Variants in SEMA3C observed in about 807,000 individuals in gnomAD.
The protein encoded by SEMA3C is semaphorin 3C.
In SEMA3C, 47 loss-of-function variants were observed where a neutral mutation model predicts 89.4. The observed-to-expected ratio is 0.53, with a 90% CI of 0.42 to 0.67. The LOEUF is 0.67. Among genes scored for constraint, SEMA3C ranks in the 30% least tolerant of loss-of-function variants. The pLI, the probability that SEMA3C is intolerant of heterozygous loss-of-function variation, is 0.00. For synonymous variants in SEMA3C, 310 were observed against 320.2 expected (o/e 0.97, Z 0.34); for missense variants, 839 against 929.1 (o/e 0.90, Z 1.26).
chr7:80,829,517 T>C lies in SEMA3C; in HGVS notation c.104-772A>G, dbSNP rs372546451. The stretch of plus-strand genomic sequence containing the variant: ...TTTGCCTTGCTTCCCAACGTAATTC[T>C]AATTAGTCCGACTTATTTTTCTATA... On this transcript the variant is annotated intron_variant, in intron 2 of 17. Coordinates refer to ENST00000265361, the MANE Select transcript of SEMA3C (RefSeq NM_006379.5). 1.5e-3 allele frequency among the ~76,000 whole-genome samples: 232 copies of C among 152,328 alleles called. 1 individual carries two copies. Among genetic ancestry groups the C allele is most frequent in the African/African-American group, 5.2e-3 (218 of 41,578 alleles).
At chr7:80,827,403 T>TTTG in intron 4 of SEMA3C, 22 bp downstream of exon 4, 1 of 1,491,332 alleles carries the variant, frequency 6.7e-7, no homozygotes, top group Non-Finnish European at 8.9e-7. Flanking sequence ...TTTTTTTTTT[T>TTTG]TTTTTTTTTT....
At chr7:80,797,781 C>T (rs929734232) in intron 11 of SEMA3C, among the ~76,000 whole-genome samples, 7 of 152,122 alleles carry the variant, frequency 4.6e-5, no homozygotes, top group African/African-American at 1.2e-4. Flanking sequence ...GGGCGGATCA[C>T]GAGGTCAGGA....
chr7:80,774,405 G>C (rs1240805158), intron 12 of SEMA3C, among the ~76,000 whole-genome samples: 2 of 151,998 alleles, frequency 1.3e-5, no homozygotes, highest in Non-Finnish European at 2.9e-5. Context: ...CATTAAAGCA[G>C]TTATTATAAT....
At chr7:80,800,951 A>C (rs575793737) in intron 9 of SEMA3C, 125 bp from the exon 10 acceptor site, 70 of 482,000 alleles carry the variant, frequency 1.5e-4, no homozygotes, top group Non-Finnish European at 2.4e-4. Context: ...CTGTACCATT[A>C]TGGTAATTTG....
chr7:80,877,082 G>C (rs1277278050), intron 2 of SEMA3C, among the ~76,000 whole-genome samples: 1 of 152,184 alleles, frequency 6.6e-6, no homozygotes, highest in East Asian at 1.9e-4. Context: ...ACGATAAGTG[G>C]TGGAGATTAC....
chr7:80,917,504 T>C (rs1489717142), intron 1 of SEMA3C, among the ~76,000 whole-genome samples: 9 of 152,186 alleles, frequency 5.9e-5, no homozygotes, highest in Non-Finnish European at 7.4e-5. Flanking sequence ...TATCCACCAA[T>C]GCATATTTTA....
intron 2 of SEMA3C, among the ~76,000 whole-genome samples, chr7:80,863,206 T>G (rs941269139): frequency 2.3e-4 from 34 of 149,768 alleles, no homozygotes; most frequent in Admixed American, 1.1e-3. Context: ...CACTCCAGCC[T>G]GGTGACAGAG....
At chr7:80,750,229 AG>A (rs1787893176) in intron 16 of SEMA3C, among the ~76,000 whole-genome samples, 1 of 151,700 alleles carries the variant, frequency 6.6e-6, no homozygotes, top group Non-Finnish European at 1.5e-5. Context: ...AGGCAGGAAA[AG>A]TATTGTAACA....
At chr7:80,919,402 C>A (rs1792365167), upstream of SEMA3C, 1 of 984,186 alleles carries the variant, frequency 1.0e-6, no homozygotes, top group South Asian at 4.7e-5. Flanking sequence ...TTGTTGCCGG[C>A]GGCTCTCGAA....
At chr7:80,868,930 A>G (rs1790993289) in intron 2 of SEMA3C, among the ~76,000 whole-genome samples, 1 of 152,204 alleles carries the variant, frequency 6.6e-6, no homozygotes, top group African/African-American at 2.4e-5. Flanking sequence ...TTTCAAAGGA[A>G]ATGCTGCATT....
intron 2 of SEMA3C, among the ~76,000 whole-genome samples, chr7:80,889,203 GTTTCA>G (rs1469449376): frequency 6.6e-6 from 1 of 151,948 alleles, no homozygotes; most frequent in African/African-American, 2.4e-5. Context: ...TGTCTTTTTT[GTTTCA>G]TTTGACTTCG....
intron 2 of SEMA3C, among the ~76,000 whole-genome samples, chr7:80,841,058 C>T (rs776741166): frequency 7.2e-5 from 11 of 152,094 alleles, no homozygotes; most frequent in Non-Finnish European, 1.6e-4. Context: ...GTTTTCTCAG[C>T]AGAAACAAGG....
At chr7:80,809,258 A>G (rs1022340695) in intron 6 of SEMA3C, among the ~76,000 whole-genome samples, 1 of 152,168 alleles carries the variant, frequency 6.6e-6, no homozygotes, top group Non-Finnish European at 1.5e-5. Context: ...CTTTATTACC[A>G]TCTCCTTTTT....
intron 2 of SEMA3C, among the ~76,000 whole-genome samples, chr7:80,912,035 C>G (rs909958030): frequency 6.6e-6 from 1 of 152,084 alleles, no homozygotes; most frequent in African/African-American, 2.4e-5. Context: ...TTCTTTGCTC[C>G]CAATTGTAGG....
chr7:80,822,414 A>G (rs1204509971), intron 4 of SEMA3C, among the ~76,000 whole-genome samples: 1 of 125,986 alleles, frequency 7.9e-6, no homozygotes, highest in Non-Finnish European at 1.7e-5. Context: ...AATAAATAAA[A>G]ATAAAAAAAA....
chr7:80,754,944 A>ATTGTTTTTTTTTGTTTTTTTT lies in SEMA3C; in HGVS notation c.1643+3366_1643+3386dup, dbSNP rs1478990330. ...AGATGCCTGCCACCATGCCTGGCGA[A>ATTGTTTTTTTTTGTTTTTTTT]TTGTTTTTTTTTGTTTTTTTTTTTT... On this transcript the variant is annotated intron_variant, in intron 15 of 17. Coordinates refer to ENST00000265361, the MANE Select transcript of SEMA3C (RefSeq NM_006379.5). Among the ~76,000 whole-genome samples, 80 of 14,062 alleles carry ATTGTTTTTTTTTGTTTTTTTT rather than the reference A, an allele frequency of 5.7e-3. 3 individuals carry two copies. The highest frequency in any genetic ancestry group is 9.6e-3 in the South Asian group (5 of 522). 9.2% of individuals were successfully genotyped at this position (14,062 alleles called of 152,430 possible).
At chr7:80,845,624 T>C (rs1471052171) in intron 2 of SEMA3C, among the ~76,000 whole-genome samples, 2 of 152,156 alleles carry the variant, frequency 1.3e-5, no homozygotes, top group African/African-American at 2.4e-5. Context: ...ATTTCTATTA[T>C]CACTCAATTC....
intron 2 of SEMA3C, among the ~76,000 whole-genome samples, chr7:80,889,439 A>G (rs1791559314): frequency 6.6e-6 from 1 of 152,168 alleles, no homozygotes; most frequent in Non-Finnish European, 1.5e-5. Context: ...TTTACTATCA[A>G]TATAGAAGAT....
chr7:80,916,460 T>C (rs766171269), intron 2 of SEMA3C, among the ~76,000 whole-genome samples: 14 of 152,168 alleles, frequency 9.2e-5, no homozygotes, highest in Non-Finnish European at 1.9e-4. Context: ...AAAAGCAGCA[T>C]ATATTATAAG....
Sources: allele counts gnomAD v4.1 joint callset (sites outside exome capture counted in the v4.1 genomes callset), GRCh38; gene constraint gnomAD v4.1.1; transcripts MANE v1.5; gene names NCBI Gene and HGNC (gene_info 2026-07-23, HGNC 2026-07-21).